The following SRFBP1 variants were observed in gnomAD, a reference collection of about 807,000 sequenced individuals.
SRFBP1 encodes serum response factor-binding protein 1.
A neutral mutation model predicts 45.5 loss-of-function variants in SRFBP1; 47 were observed. The observed-to-expected ratio is 1.03, with a 90% CI of 0.82 to 1.32. The LOEUF (loss-of-function observed/expected upper bound fraction) is 1.32, where lower values mean the gene tolerates loss of function less well. Among genes scored for constraint, SRFBP1 ranks in the 40% most tolerant of loss-of-function variants. The probability of loss-of-function intolerance (pLI) is 0.00; values close to 1 mark genes in which losing one functional copy is unlikely to be tolerated. For synonymous variants in SRFBP1, 203 were observed against 166.3 expected (o/e 1.22, Z -1.70); for missense variants, 621 against 484.6 (o/e 1.28, Z -2.64).
chr5:122,011,693 G>A (rs1032875934), intron 4 of SRFBP1, among the ~76,000 whole-genome samples: 1 of 152,136 alleles, frequency 6.6e-6, no homozygotes, highest in African/African-American at 2.4e-5. Flanking sequence ...GTCCTCATGT[G>A]TAAGACAGTG....
At chr5:122,066,034 A>G (rs1754290962) in intron 2 of SRFBP1, 1 of 152,120 alleles carries the variant, frequency 6.6e-6, no homozygotes, top group Non-Finnish European at 1.5e-5. Flanking sequence ...AATATCAGAC[A>G]GGATTGGGCA....
chr5:121,987,037 A>G (rs187717526), intron 3 of SRFBP1, among the ~76,000 whole-genome samples: 1 of 152,274 alleles, frequency 6.6e-6, no homozygotes, highest in African/African-American at 2.4e-5. Context: ...GTTTGACTTC[A>G]TTCTGTATTC....
chr5:121,961,976 C>G lies in SRFBP1; in HGVS notation c.-57C>G. 1 of 1,611,272 alleles carries G rather than the reference C, an allele frequency of 6.2e-7. No individual in the cohort carries two copies. Among genetic ancestry groups the G allele is most frequent in the Non-Finnish European group, 8.5e-7 (1 of 1,178,310 alleles). ...GTTGAGGGGCGTGGCGACGCAGCCG[C>G]GGTCTGAGAGACCGGTTCACGTGCA... On this transcript the variant is annotated 5_prime_UTR_variant, in exon 1 of 8. Transcript: ENST00000339397.
intron 4 of SRFBP1, among the ~76,000 whole-genome samples, chr5:122,010,892 T>A (rs902237919): frequency 1.3e-5 from 2 of 152,192 alleles, no homozygotes; most frequent in South Asian, 4.1e-4. Flanking sequence ...TTTCAGCATT[T>A]ATTTAAAAAA....
intron 4 of SRFBP1, among the ~76,000 whole-genome samples, chr5:122,014,895 C>A (rs1333333685): frequency 6.6e-6 from 1 of 152,110 alleles, no homozygotes; most frequent in East Asian, 1.9e-4. Flanking sequence ...AGCAAGTTGT[C>A]AAAACAGGGA....
At chr5:122,001,593 C>G (rs866823292) in intron 4 of SRFBP1, among the ~76,000 whole-genome samples, 1 of 125,008 alleles carries the variant, frequency 8.0e-6, no homozygotes, top group Non-Finnish European at 1.6e-5. Context: ...CTCGCTCTGT[C>G]GCCCAGGCCG....
At chr5:122,031,342 A>T (rs147019309), downstream of SRFBP1, among the ~76,000 whole-genome samples, 103 of 152,324 alleles carry the variant, frequency 6.8e-4, no homozygotes, top group African/African-American at 2.3e-3. Context: ...TCACCAAAAA[A>T]TTATGAGACA....
At chr5:122,001,743 A>C (rs540914150) in intron 4 of SRFBP1, among the ~76,000 whole-genome samples, 1 of 151,678 alleles carries the variant, frequency 6.6e-6, no homozygotes, top group East Asian at 2.0e-4. Flanking sequence ...TTGTATTTTT[A>C]GTATAGACGG....
chr5:122,013,849 CAT>C (rs1477487484), intron 4 of SRFBP1, among the ~76,000 whole-genome samples: 3 of 152,044 alleles, frequency 2.0e-5, no homozygotes, highest in Non-Finnish European at 4.4e-5. Flanking sequence ...ATGTCAAACT[CAT>C]AGAAATAGTA....
At chr5:122,029,215 T>A (rs929396424), downstream of SRFBP1, among the ~76,000 whole-genome samples, 16 of 152,016 alleles carry the variant, frequency 1.1e-4, no homozygotes, top group African/African-American at 3.9e-4. Context: ...CAAAAAAGAA[T>A]TTTATAGCCC....
intron 3 of SRFBP1, among the ~76,000 whole-genome samples, chr5:121,976,246 C>G (rs113512663): frequency 8.2e-4 from 125 of 152,108 alleles, no homozygotes; most frequent in African/African-American, 2.6e-3. Flanking sequence ...ATAAAAACAT[C>G]TAGGAAACGA....
At chr5:122,033,823 T>G (rs934875158) in intron 2 of SRFBP1, among the ~76,000 whole-genome samples, 1 of 146,250 alleles carries the variant, frequency 6.8e-6, no homozygotes, top group South Asian at 2.2e-4. Context: ...TTTTCAGTTT[T>G]TTTTTTTTTT....
intron 2 of SRFBP1, among the ~76,000 whole-genome samples, chr5:122,055,789 A>G (rs1285299523): frequency 1.3e-5 from 2 of 152,180 alleles, no homozygotes; most frequent in African/African-American, 2.4e-5. Flanking sequence ...CACAATGAGG[A>G]TGGTTGCTAT....
intron 3 of SRFBP1, among the ~76,000 whole-genome samples, chr5:121,976,246 C>T (rs113512663): frequency 6.6e-6 from 1 of 151,990 alleles, no homozygotes. Context: ...ATAAAAACAT[C>T]TAGGAAACGA....
intron 1 of SRFBP1, among the ~76,000 whole-genome samples, chr5:121,962,621 C>T (rs963677663): frequency 2.0e-5 from 3 of 152,140 alleles, no homozygotes; most frequent in African/African-American, 7.2e-5. Context: ...TTTATACTTG[C>T]TATCCTCAAT....
chr5:122,002,900 C>G (rs1263443563), intron 4 of SRFBP1, among the ~76,000 whole-genome samples: 1 of 152,166 alleles, frequency 6.6e-6, no homozygotes. Flanking sequence ...TATGTAGACT[C>G]TCACTCATTT....
chr5:122,054,681 A>G (rs1754048713), intron 2 of SRFBP1, among the ~76,000 whole-genome samples: 1 of 152,132 alleles, frequency 6.6e-6, no homozygotes, highest in African/African-American at 2.4e-5. Flanking sequence ...AAATTAATAT[A>G]TTTATCTTTC....
downstream of SRFBP1, among the ~76,000 whole-genome samples, chr5:122,029,461 C>T (rs929301797): frequency 2.0e-5 from 3 of 152,142 alleles, no homozygotes; most frequent in African/African-American, 7.2e-5. Flanking sequence ...ACACCTCATG[C>T]AGGTTGATCT....
In SRFBP1 at chr5:122,068,304, C is replaced by T. The variant is rs996077349; in HGVS notation, n.312-7011C>T. On this transcript the variant is annotated intron_variant and non_coding_transcript_variant, in intron 2 of 2. Transcript: ENST00000504881. ...TCTAAATATCTAGCAATACCCAATT[C>T]AATGGATTCTACTGATTAAAAGCAA... Among the ~76,000 whole-genome samples, 4 of 151,790 alleles carry T rather than the reference C, an allele frequency of 2.6e-5. No individual in the cohort carries two copies. In the East Asian group the frequency reaches 5.8e-4, roughly 22 times the overall value.
Sources: gnomAD v4.1 joint callset for allele counts (sites outside exome capture counted in the v4.1 genomes callset) on GRCh38, gnomAD v4.1.1 for gene constraint, MANE v1.5 for transcripts, NCBI Gene and HGNC (gene_info 2026-07-23, HGNC 2026-07-21) for gene names.